PIM2: variants seen among roughly 807,000 people sequenced by gnomAD.
PIM2 encodes the protein serine/threonine-protein kinase pim-2.
Under a neutral mutation model 18.0 loss-of-function variants are expected in PIM2, and 3 were observed. The observed-to-expected ratio is 0.17, with a 90% CI of 0.08 to 0.43. PIM2 has a LOEUF of 0.43. Among genes scored for constraint, PIM2 ranks in the 20% least tolerant of loss-of-function variants. The pLI, the probability that PIM2 is intolerant of heterozygous loss-of-function variation, is 0.99. For synonymous variants in PIM2, 117 were observed against 105.3 expected (o/e 1.11, Z -0.68); for missense variants, 181 against 260.8 (o/e 0.69, Z 2.11).
chrX:48,918,328 C>A (rs1234541813), intron 2 of PIM2, among the ~76,000 whole-genome samples: 1 of 81,289 alleles, frequency 1.2e-5, no homozygotes, highest in Non-Finnish European at 2.4e-5. Flanking sequence ...ACCTCCTAGA[C>A]CGACACACAC....
intron 3 of PIM2, 154 bp from the exon 4 acceptor site, chrX:48,915,546 C>G: frequency 2.0e-6 from 1 of 501,664 alleles, no homozygotes; most frequent in East Asian, 3.7e-5. Context: ...CTCACTTTCC[C>G]TAAAGACACA....
In PIM2 at chrX:48,914,125, C is replaced by G; in HGVS notation, c.*6G>C. 1 of 1,095,826 alleles carries G rather than the reference C, an allele frequency of 9.1e-7. No homozygotes were observed. The highest frequency in any genetic ancestry group is 1.2e-6 in the Non-Finnish European group (1 of 827,265). 90.3% of individuals were successfully genotyped at this position (1,095,826 alleles called of 1,213,427 possible). On this transcript the variant is annotated 3_prime_UTR_variant, in exon 6 of 6. Coordinates refer to ENST00000376509, the MANE Select transcript of PIM2 (RefSeq NM_006875.4). ...CCATTGGGGGCCAGGCCAGGCCAGG[C>G]CAGGCTTAGGGTAGCAAGGACCAGG...
chrX:48,918,980 G>A lies in PIM2; in HGVS notation c.-146C>T, dbSNP rs782728334. 4.6e-5 allele frequency: 22 copies of A among 480,252 alleles called. No homozygotes were observed. In the East Asian group the frequency reaches 8.3e-4, roughly 18 times the overall value. The allele number at this position is 480,252 out of a possible 1,213,427, so 39.6% of individuals were successfully genotyped here. ...TGGTGGCCCGGAAGCGCCCGCAGAC[G>A]GCGCAGCGTTGAGATTCGCCGCGCG... On this transcript the variant is annotated 5_prime_UTR_variant, in exon 1 of 6. Transcript: ENST00000376509.
intron 2 of PIM2, among the ~76,000 whole-genome samples, chrX:48,918,302 C>CG (rs1490789126): frequency 8.5e-5 from 6 of 70,639 alleles, no homozygotes; most frequent in African/African-American, 2.7e-4. Context: ...CCCCCTGCCC[C>CG]CCCCCCCCGC....
intron 2 of PIM2, 136 bp from the exon 3 acceptor site, chrX:48,917,967 C>A: frequency 1.9e-6 from 1 of 515,396 alleles, no homozygotes; most frequent in South Asian, 2.9e-5. Context: ...CAGCACCCCA[C>A]AGAACGCGTA....
rs782000054 is a variant in PIM2, at chrX:48,914,143, G to A, written c.924C>T (p.Ser308=). ...SKGGPAPLAW[S]LLP ...GGCCAGGCCAGGCTTAGGGTAGCAA[G>A]GACCAGGCCAAAGGGGCAGGGCCTC... The change falls in exon 6 of 6, where the codon TCC becomes TCT. Residue 308 remains serine (S), a synonymous_variant. Transcript: ENST00000376509. The A allele has an allele frequency of 8.8e-7, 1 of 1,134,051 alleles. No homozygotes were observed. The highest frequency in any genetic ancestry group is 1.2e-6 in the Non-Finnish European group (1 of 856,098). The allele number at this position is 1,134,051 out of a possible 1,213,427, so 93.5% of individuals were successfully genotyped here. A position where few individuals can be genotyped will look rare whatever the true frequency, so the allele number is the denominator to read the frequency against.
At chrX:48,917,194 C>G (rs1307872979) in intron 3 of PIM2, among the ~76,000 whole-genome samples, 1 of 111,047 alleles carries the variant, frequency 9.0e-6, no homozygotes, top group Non-Finnish European at 1.9e-5. Flanking sequence ...CCACAAAATC[C>G]GCCCCCCACT....
intron 2 of PIM2, 73 bp downstream of exon 2, chrX:48,918,463 C>G (rs2063569642): frequency 2.8e-6 from 2 of 719,033 alleles, no homozygotes; most frequent in South Asian, 2.5e-5. Flanking sequence ...CCTCGGTCAA[C>G]CAGCATTCCA....
In PIM2 at chrX:48,915,195, G is replaced by A. The variant is rs2063559719; in HGVS notation, c.420C>T (p.Ser140=). 8.2e-7 allele frequency: 1 copy of A among 1,212,253 alleles called. No individual in the cohort carries two copies. The highest frequency in any genetic ancestry group is 1.1e-6 in the Non-Finnish European group (1 of 895,453). The change falls in exon 4 of 6, where the codon AGC becomes AGT. Residue 140 remains serine (S), a synonymous_variant. Transcript: ENST00000376509. ...CCACTACTTGGCCAAAGAAGCAGCGGCTTGGGCCTTCACCCAGTGGGCCCT... is the reference window on the plus strand; with the variant it reads ...CCACTACTTGGCCAAAGAAGCAGCGACTTGGGCCTTCACCCAGTGGGCCCT... ...TEKGPLGEGP[S]RCFFGQVVAA... is the part of the protein sequence containing the mutation.
rs782330610 is a variant in PIM2, at chrX:48,914,314, G to A, written c.773-20C>T. 5.0e-6 allele frequency: 6 copies of A among 1,210,984 alleles called. No individual in the cohort carries two copies. The Admixed American group carries it at 1.3e-4, about 26-fold the overall frequency. Reference sequence around the variant, plus strand: ...AGCAGTCTGTAGGCCAAGAAGCAGAGAGGGAAGATTAGCAGTCAGTAGGGG... The same window carrying A: ...AGCAGTCTGTAGGCCAAGAAGCAGAAAGGGAAGATTAGCAGTCAGTAGGGG... On this transcript the variant is annotated intron_variant, in intron 5 of 5. Coordinates refer to ENST00000376509, the MANE Select transcript of PIM2 (RefSeq NM_006875.4).
Position 48,918,791 on chromosome X carries a change from G to A in PIM2, c.44C>T (p.Thr15Ile), listed in dbSNP as rs781959364. 8.4e-7 allele frequency: 1 copy of A among 1,192,572 alleles called. No homozygotes were observed. Among genetic ancestry groups the A allele is most frequent in the African/African-American group, 1.8e-5 (1 of 56,042 alleles). ...GTACTCACCTGGCGGCGGCGTGGGG[G>A]TCCCGGGGGGCGCGGGAGGCCCCTG... is the stretch of plus-strand genomic sequence containing the variant. ...PLQGPPAPPG[T>I]PTPPPGGKDR... Residue 15 changes from threonine (T) to isoleucine (I), a missense_variant, in exon 1 of 6, where the codon ACC becomes ATC. By Grantham distance (89) the Thr-to-Ile change is moderately conservative (BLOSUM62 -1). Around this residue, in one of 5 missense-constraint regions of PIM2, gnomAD observed 104 missense variants for 125.3 expected, o/e 0.83. Transcript: ENST00000376509.
chrX:48,917,015 C>A (rs1272067922), intron 3 of PIM2, among the ~76,000 whole-genome samples: 1 of 110,165 alleles, frequency 9.1e-6, no homozygotes, highest in African/African-American at 3.3e-5. Flanking sequence ...ATTAGCCGGG[C>A]ATGGTTGTGC....
At chrX:48,918,290 A>C in intron 2 of PIM2, among the ~76,000 whole-genome samples, 1 of 54,671 alleles carries the variant, frequency 1.8e-5, no homozygotes, top group African/African-American at 9.5e-5. Context: ...CGGAATCTGA[A>C]GCCCCCTGCC....
chrX:48,914,325 A>G, intron 5 of PIM2, 31 bp from the exon 6 acceptor site: 2 of 1,210,540 alleles, frequency 1.7e-6, no homozygotes, highest in South Asian at 3.5e-5. Flanking sequence ...AGGGAAGATT[A>G]GCAGTCAGTA....
intron 3 of PIM2, among the ~76,000 whole-genome samples, chrX:48,916,128 G>A (rs1454028041): frequency 8.9e-6 from 1 of 112,474 alleles, no homozygotes; most frequent in Non-Finnish European, 1.9e-5. Flanking sequence ...TTTTGTTCAC[G>A]GACGTATATG....
chrX:48,915,548 A>G (rs1014914061), intron 3 of PIM2, 156 bp from the exon 4 acceptor site: 14 of 492,310 alleles, frequency 2.8e-5, no homozygotes, highest in African/African-American at 2.7e-4. Context: ...CACTTTCCCT[A>G]AAGACACAAA....
At chrX:48,916,914 A>C (rs1602352598) in intron 3 of PIM2, among the ~76,000 whole-genome samples, 1 of 108,491 alleles carries the variant, frequency 9.2e-6, no homozygotes, top group African/African-American at 3.4e-5. Flanking sequence ...CAGCACTTTG[A>C]GTGGCCGAGG....
chrX:48,914,317 G>A (rs1557044957), intron 5 of PIM2, 23 bp from the exon 6 acceptor site: 2 of 1,210,788 alleles, frequency 1.7e-6, no homozygotes, highest in South Asian at 3.5e-5. Flanking sequence ...AAGCAGAGAG[G>A]GAAGATTAGC....
rs952041826 is a variant in PIM2, at chrX:48,915,091, C to T, written c.524G>A (p.Arg175His). ...KDENILIDLRRGCAKLIDFGS... is the reference protein window; with the variant it reads ...KDENILIDLRHGCAKLIDFGS... Reference sequence around the variant, plus strand: ...AAAATCAATGAGTTTGGCACAGCCACGGCGTAGGTCTATCAGGATGTTCTC... The same window carrying T: ...AAAATCAATGAGTTTGGCACAGCCATGGCGTAGGTCTATCAGGATGTTCTC... The change falls in exon 4 of 6, where the codon CGT becomes CAT. Residue 175 changes from arginine (R) to histidine (H), a missense_variant. This residue lies in a region of PIM2 where 8 missense variants were observed against 31.8 expected (regional missense o/e 0.25). Transcript: ENST00000376509. 2 of 1,209,194 alleles carry T rather than the reference C, an allele frequency of 1.7e-6. No homozygotes were observed. The highest frequency in any genetic ancestry group is 1.7e-5 in the African/African-American group (1 of 57,297).
Sources: allele counts gnomAD v4.1 joint callset (sites outside exome capture counted in the v4.1 genomes callset), GRCh38; gene constraint gnomAD v4.1.1; regional missense constraint gnomAD v4.1.1; transcripts MANE v1.5; gene names NCBI Gene and HGNC (gene_info 2026-07-23, HGNC 2026-07-21).